Variants in FRMD3 observed in about 807,000 individuals in gnomAD.
FRMD3 encodes FERM domain-containing protein 3.
In FRMD3, 33 loss-of-function variants were observed where a neutral mutation model predicts 70.2. The ratio of observed to expected loss-of-function variants is 0.47; its 90% confidence interval spans 0.36 to 0.63. FRMD3 has a LOEUF of 0.63. FRMD3 is among the 20% of genes least tolerant of loss of function. The pLI is 0.00. For synonymous variants in FRMD3, 279 were observed against 255.9 expected, an observed-to-expected ratio of 1.09 and a Z score of -0.86; for missense variants, 632 against 711.4, an observed-to-expected ratio of 0.89 and a Z score of 1.27.
At chr9:83,251,619 A>G (rs7869662) in intron 13 of FRMD3, among the ~76,000 whole-genome samples, 98,933 of 152,002 alleles carry the variant, frequency 0.65, 32,614 homozygotes, top group African/African-American at 0.7. Flanking sequence ...TAAGACTCAC[A>G]ATGATACAAT....
intron 13 of FRMD3, among the ~76,000 whole-genome samples, chr9:83,283,967 T>A (rs932389794): frequency 6.6e-6 from 1 of 152,034 alleles, no homozygotes; most frequent in Non-Finnish European, 1.5e-5. Context: ...GAATTTAGTA[T>A]ACTGGATAAC....
At chr9:83,470,328 G>T (rs1828239297) in intron 1 of FRMD3, among the ~76,000 whole-genome samples, 1 of 152,140 alleles carries the variant, frequency 6.6e-6, no homozygotes, top group African/African-American at 2.4e-5. Flanking sequence ...GCTGAACTTA[G>T]TGTTGATCTG....
intron 6 of FRMD3, among the ~76,000 whole-genome samples, chr9:83,330,810 G>A (rs1339872062): frequency 3.3e-5 from 5 of 152,196 alleles, no homozygotes; most frequent in Admixed American, 1.3e-4. Context: ...AGAATCATTC[G>A]GCTCAGTGGG....
intron 13 of FRMD3, 126 bp downstream of exon 13, chr9:83,290,477 A>G (rs1834373253): frequency 9.5e-7 from 1 of 1,049,946 alleles, no homozygotes; most frequent in South Asian, 1.4e-5. Flanking sequence ...TACTAAAAAC[A>G]TAGTTTATGG....
rs528853785 is a variant in FRMD3, at chr9:83,520,217, T to A, written c.147+17868A>T. Among the ~76,000 whole-genome samples, 6 of 152,266 alleles carry A rather than the reference T, an allele frequency of 3.9e-5. 1 individual carries two copies. Among genetic ancestry groups the A allele is most frequent in the African/African-American group, 1.4e-4 (6 of 41,544 alleles). On this transcript the variant is annotated intron_variant, in intron 1 of 13. Transcript: ENST00000304195. ...GTGTGTCACTCACCAGGCTAATTCC[T>A]TCCCCCCCTGGACTTCAGATGCTCC...
chr9:83,447,303 G>A (rs774002953), intron 1 of FRMD3, among the ~76,000 whole-genome samples: 10 of 152,178 alleles, frequency 6.6e-5, no homozygotes, highest in Non-Finnish European at 1.3e-4. Flanking sequence ...GATTACAGGC[G>A]TGAGCCACCG....
At chr9:83,562,021 T>C in the FRMD3 span, among the ~76,000 whole-genome samples, 1 of 152,204 alleles carries the variant, frequency 6.6e-6, no homozygotes, top group East Asian at 1.9e-4. Context: ...GTACAGGGTA[T>C]ATAATTTATT....
At chr9:83,567,401 C>T in the FRMD3 span, among the ~76,000 whole-genome samples, 1 of 152,170 alleles carries the variant, frequency 6.6e-6, no homozygotes, top group African/African-American at 2.4e-5. Context: ...TGACATGGCC[C>T]AAAGACATTT....
intron 13 of FRMD3, among the ~76,000 whole-genome samples, chr9:83,285,713 CG>C (rs1400831024): frequency 6.6e-6 from 1 of 152,206 alleles, no homozygotes; most frequent in Non-Finnish European, 1.5e-5. Context: ...CACAGAAGCA[CG>C]GTGCTATCTC....
chr9:83,401,173 T>C (rs549763376), intron 1 of FRMD3, among the ~76,000 whole-genome samples: 9 of 152,178 alleles, frequency 5.9e-5, no homozygotes, highest in Non-Finnish European at 1.3e-4. Flanking sequence ...GCGTTCCCAT[T>C]TTCAAGAAGA....
At chr9:83,550,404 G>A in the FRMD3 span, among the ~76,000 whole-genome samples, 3 of 152,030 alleles carry the variant, frequency 2.0e-5, no homozygotes, top group Non-Finnish European at 4.4e-5. Flanking sequence ...TGTTCTTTCT[G>A]CTTAGGATTG....
At chr9:83,283,291 G>A (rs1055875986) in intron 13 of FRMD3, among the ~76,000 whole-genome samples, 1 of 152,034 alleles carries the variant, frequency 6.6e-6, no homozygotes, top group African/African-American at 2.4e-5. Flanking sequence ...AGCACTTTGG[G>A]AGGCCAAGGC....
chr9:83,415,595 A>G (rs1016995969), intron 1 of FRMD3, among the ~76,000 whole-genome samples: 1 of 146,810 alleles, frequency 6.8e-6, no homozygotes, highest in Non-Finnish European at 1.5e-5. Context: ...GGTGCCCACC[A>G]CCACGACTGA....
At chr9:83,517,518 A>C (rs937795046) in intron 1 of FRMD3, among the ~76,000 whole-genome samples, 6 of 129,210 alleles carry the variant, frequency 4.6e-5, no homozygotes, top group Non-Finnish European at 9.9e-5. Flanking sequence ...AAAAAAAAAA[A>C]CAACCTAGGA....
chr9:83,538,993 T>C (rs1330469323), upstream of FRMD3, among the ~76,000 whole-genome samples: 1 of 152,244 alleles, frequency 6.6e-6, no homozygotes, highest in Non-Finnish European at 1.5e-5. The surrounding 1 kb of genome is among the most constrained non-coding windows in gnomAD (Gnocchi z 4.7). Context: ...TTTTATTTAA[T>C]GCTAGCTAGG....
chr9:83,270,586 T>C (rs1253241421), intron 13 of FRMD3, among the ~76,000 whole-genome samples: 1 of 152,218 alleles, frequency 6.6e-6, no homozygotes, highest in East Asian at 1.9e-4. Context: ...TATTAAGCAA[T>C]TGTAGAAGGC....
At chr9:83,548,161 G>C in the FRMD3 span, among the ~76,000 whole-genome samples, 1 of 152,160 alleles carries the variant, frequency 6.6e-6, no homozygotes, top group Non-Finnish European at 1.5e-5. Flanking sequence ...AGACAGTTTG[G>C]TAGTTTCTTA....
Position 83,245,662 on chromosome 9 carries a change from A to G in FRMD3, c.*2256T>C. Reference sequence around the variant, plus strand: ...ATATTAGTTCCATAATTTAAAAAATATTATATAATATTATTTTGAAAGACT... The same window carrying G: ...ATATTAGTTCCATAATTTAAAAAATGTTATATAATATTATTTTGAAAGACT... On this transcript the variant is annotated 3_prime_UTR_variant, in exon 14 of 14. Coordinates refer to ENST00000304195, the MANE Select transcript of FRMD3 (RefSeq NM_174938.6). 2.3e-6 allele frequency: 2 copies of G among 870,742 alleles called. No individual in the cohort carries two copies. Among genetic ancestry groups the G allele is most frequent in the Non-Finnish European group, 2.8e-6 (2 of 725,540 alleles). 53.9% of individuals were successfully genotyped at this position (870,742 alleles called of 1,614,324 possible).
chr9:83,408,788 C>T (rs1367801939), intron 1 of FRMD3, among the ~76,000 whole-genome samples: 2 of 152,288 alleles, frequency 1.3e-5, no homozygotes, highest in African/African-American at 4.8e-5. Flanking sequence ...AGTTAAGCTG[C>T]TACCACAGGC....
Sources: gnomAD v4.1 joint callset for allele counts (sites outside exome capture counted in the v4.1 genomes callset) on GRCh38, gnomAD v4.1.1 for gene constraint, Gnocchi (gnomAD v3.1) non-coding constraint, MANE v1.5 for transcripts, NCBI Gene and HGNC (gene_info 2026-07-23, HGNC 2026-07-21) for gene names.